Variants in GLDC observed in about 807,000 individuals in gnomAD.
GLDC encodes the protein glycine decarboxylase.
A neutral mutation model predicts 121.3 loss-of-function variants in GLDC; 104 were observed. The observed-to-expected ratio is 0.86, with a 90% confidence interval of 0.73 to 1.01. The LOEUF (loss-of-function observed/expected upper bound fraction) is 1.01, where lower values mean the gene tolerates loss of function less well. Ranked by LOEUF, GLDC falls within the 50% of genes least tolerant of loss-of-function variation. The pLI, the probability that GLDC is intolerant of heterozygous loss-of-function variation, is 0.00. For synonymous variants in GLDC, 546 were observed against 480.6 expected (o/e 1.14, Z -1.78); for missense variants, 1,429 against 1,306.6 (o/e 1.09, Z -1.44).
chr9:6,606,700 G>C (rs1336036388), intron 4 of GLDC, 31 bp from the exon 5 acceptor site: 2 of 1,233,298 alleles, frequency 1.6e-6, no homozygotes, highest in African/African-American at 1.5e-5. Context: ...ATTCCAACGT[G>C]AACATTAAAT....
intron 18 of GLDC, among the ~76,000 whole-genome samples, chr9:6,555,906 A>T (rs1817618321): frequency 6.6e-6 from 1 of 152,240 alleles, no homozygotes; most frequent in African/African-American, 2.4e-5. Context: ...AGAGGTTCAC[A>T]GTACATAGAT....
intron 2 of GLDC, among the ~76,000 whole-genome samples, chr9:6,636,739 C>A (rs1819509770): frequency 6.6e-6 from 1 of 151,982 alleles, no homozygotes; most frequent in Non-Finnish European, 1.5e-5. Context: ...CACACCACTG[C>A]ACTCCAGCCT....
intron 15 of GLDC, among the ~76,000 whole-genome samples, chr9:6,579,788 C>G (rs944196184): frequency 6.6e-6 from 1 of 152,216 alleles, no homozygotes; most frequent in Non-Finnish European, 1.5e-5. Context: ...GTGCCTATAA[C>G]GCTGGCTGCC....
At chr9:6,610,954 A>G (rs1368767771) in intron 3 of GLDC, among the ~76,000 whole-genome samples, 1 of 152,268 alleles carries the variant, frequency 6.6e-6, no homozygotes, top group Non-Finnish European at 1.5e-5. Context: ...TCCCCTAGAT[A>G]AAAGACCTCA....
chr9:6,635,851 G>C (rs1294356480), intron 2 of GLDC, among the ~76,000 whole-genome samples: 1 of 151,268 alleles, frequency 6.6e-6, no homozygotes, highest in Non-Finnish European at 1.5e-5. Flanking sequence ...GTCGAGCCTG[G>C]GTGACATAGC....
At chr9:6,620,431 A>G in intron 2 of GLDC, 112 bp from the exon 3 acceptor site, 1 of 924,518 alleles carries the variant, frequency 1.1e-6, no homozygotes, top group Non-Finnish European at 1.8e-6. Flanking sequence ...AACTATATGG[A>G]AAATGTAAGA....
intron 6 of GLDC, among the ~76,000 whole-genome samples, 173 bp downstream of exon 6, chr9:6,604,958 G>A (rs907075121): frequency 6.6e-6 from 1 of 152,152 alleles, no homozygotes; most frequent in African/African-American, 2.4e-5. Context: ...CCATGTGCCA[G>A]GAATCCGGGA....
intron 11 of GLDC, among the ~76,000 whole-genome samples, chr9:6,590,471 C>T (rs1818354052): frequency 6.6e-6 from 1 of 152,130 alleles, no homozygotes; most frequent in African/African-American, 2.4e-5. Context: ...TACTAGTTCC[C>T]ATGAGAACTG....
At chr9:6,571,683 T>C (rs1817971014) in intron 15 of GLDC, among the ~76,000 whole-genome samples, 1 of 152,228 alleles carries the variant, frequency 6.6e-6, no homozygotes, top group South Asian at 2.1e-4. Context: ...CTGCAGGGTT[T>C]CATCACACTA....
rs751846463 is a variant in GLDC, at chr9:6,533,073, G to A, written c.3007C>T (p.Pro1003Ser). The change falls in exon 25 of 25, where the codon CCA (proline) becomes TCA (serine). Residue 1003 changes from proline to serine, a missense_variant. Physicochemically the swap from Pro to Ser is moderately conservative, Grantham distance 74. Transcript: ENST00000321612. ...GGAGACTCATAAACTTCCATGGGTGGGCAGGTACAAACCAGGTGCTGATCT... is the reference window on the plus strand; with the variant it reads ...GGAGACTCATAAACTTCCATGGGTGAGCAGGTACAAACCAGGTGCTGATCT... ...YGDQHLVCTC[P>S]PMEVYESPFS... is the part of the protein sequence containing the mutation. 42 of 1,611,028 alleles carry A rather than the reference G, an allele frequency of 2.6e-5. No individual in the cohort carries two copies. The highest frequency in any genetic ancestry group is 3.3e-5 in the Non-Finnish European group (39 of 1,177,362).
intron 23 of GLDC, among the ~76,000 whole-genome samples, 198 bp from the exon 24 acceptor site, chr9:6,534,986 A>T (rs1002522159): frequency 6.6e-6 from 1 of 152,224 alleles, no homozygotes; most frequent in African/African-American, 2.4e-5. Context: ...TAATCATCAC[A>T]TCCACCACCC....
At chr9:6,580,021 G>C (rs1371483669) in intron 15 of GLDC, among the ~76,000 whole-genome samples, 1 of 152,158 alleles carries the variant, frequency 6.6e-6, no homozygotes, top group Non-Finnish European at 1.5e-5. Context: ...ATCTACAAAG[G>C]CTAGAATCCA....
chr9:6,636,021 G>A (rs1819494965), intron 2 of GLDC, among the ~76,000 whole-genome samples: 1 of 152,134 alleles, frequency 6.6e-6, no homozygotes. Context: ...CACTTTGGGT[G>A]AGGCCAGGCG....
chr9:6,556,854 T>C (rs1181181908), intron 17 of GLDC, among the ~76,000 whole-genome samples: 1 of 152,110 alleles, frequency 6.6e-6, no homozygotes, highest in Non-Finnish European at 1.5e-5. Flanking sequence ...TAGGTCTCTA[T>C]GGTCCAGACC....
intron 2 of GLDC, among the ~76,000 whole-genome samples, chr9:6,628,678 C>G (rs1157992269): frequency 6.6e-6 from 1 of 152,128 alleles, no homozygotes; most frequent in Non-Finnish European, 1.5e-5. Context: ...GAGGTGGAGG[C>G]TGCAGTGAGC....
chr9:6,570,260 A>G (rs928329296), intron 15 of GLDC, among the ~76,000 whole-genome samples: 1 of 152,254 alleles, frequency 6.6e-6, no homozygotes, highest in Non-Finnish European at 1.5e-5. Flanking sequence ...TTTTTATACA[A>G]GTCAAAAGAT....
chr9:6,548,393 C>G (rs10441734), intron 21 of GLDC, among the ~76,000 whole-genome samples: 1 of 152,062 alleles, frequency 6.6e-6, no homozygotes, highest in East Asian at 1.9e-4. Context: ...TTGAATTAAT[C>G]AGAAGCTCTT....
intron 21 of GLDC, among the ~76,000 whole-genome samples, chr9:6,544,861 A>G (rs1209332404): frequency 6.6e-6 from 1 of 152,112 alleles, no homozygotes. Context: ...GCACTTTGGG[A>G]GGCCAAGGTG....
At chr9:6,565,030 A>T (rs1193303384) in intron 16 of GLDC, among the ~76,000 whole-genome samples, 6 of 152,350 alleles carry the variant, frequency 3.9e-5, no homozygotes, top group African/African-American at 1.4e-4. Flanking sequence ...GGGCTGAGCC[A>T]AGGAGAGGAT....
Sources: gnomAD v4.1 joint callset for allele counts (sites outside exome capture counted in the v4.1 genomes callset) on GRCh38, gnomAD v4.1.1 for gene constraint, MANE v1.5 for transcripts, NCBI Gene and HGNC (gene_info 2026-07-23, HGNC 2026-07-21) for gene names.